Variants in SPECC1 observed in about 807,000 individuals in gnomAD.
SPECC1 encodes the protein sperm antigen with calponin homology and coiled-coil domains 1, also known as cytospin-B.
A neutral mutation model predicts 104.1 loss-of-function variants in SPECC1; 62 were observed. That is an observed-to-expected ratio of 0.60 (90% confidence interval 0.49 to 0.74). The LOEUF (loss-of-function observed/expected upper bound fraction) is 0.74, where lower values mean the gene tolerates loss of function less well. Ranked by LOEUF, SPECC1 falls within the 30% of genes least tolerant of loss-of-function variation. SPECC1 has a pLI of 0.00. For missense variants in SPECC1, 1,306 were observed against 1,310.5 expected (o/e 1.00, Z 0.05); for synonymous variants, 513 against 501.6 (o/e 1.02, Z -0.30).
In SPECC1 at chr17:20,227,597, A is replaced by G. The variant is rs1598032123; in HGVS notation, c.2048A>G (p.Asn683Ser). Reference protein sequence around the residue: ...EQHRAVKLHNNQLISELESSV... With the variant: ...EQHRAVKLHNSQLISELESSV... ...CACCGGGCTGTCAAGTTACACAATA[A>G]TCAACTCATCAGTGAGCTAGAAAGT... Residue 683 changes from asparagine to serine, a missense_variant, in exon 5 of 15, where the codon AAT becomes AGT. Asn to Ser is a conservative substitution (Grantham distance 46). This residue lies in a region of SPECC1 where 1,177 missense variants were observed against 1,139.9 expected (regional missense o/e 1.03). Transcript: ENST00000395527. 1.2e-6 allele frequency: 2 copies of G among 1,611,946 alleles called. No individual in the cohort carries two copies. Among genetic ancestry groups the G allele is most frequent in the Non-Finnish European group, 8.5e-7 (1 of 1,179,556 alleles).
intron 3 of SPECC1, among the ~76,000 whole-genome samples, chr17:20,129,508 T>C (rs191860154): frequency 1.2e-3 from 187 of 151,784 alleles, no homozygotes; most frequent in African/African-American, 4.4e-3. Flanking sequence ...TTTTTTTAGC[T>C]GTTGAATTTT....
intron 1 of SPECC1, among the ~76,000 whole-genome samples, chr17:20,018,760 C>A (rs1455948320): frequency 6.6e-6 from 1 of 152,224 alleles, no homozygotes; most frequent in East Asian, 1.9e-4. Context: ...CATCCTCTCC[C>A]AGTGCAGTCA....
intron 4 of SPECC1, among the ~76,000 whole-genome samples, chr17:20,210,760 C>T (rs758919963): frequency 6.6e-6 from 1 of 152,204 alleles, no homozygotes; most frequent in African/African-American, 2.4e-5. Context: ...CTGCCTGGGG[C>T]ACCACATGGC....
At chr17:20,020,928 CT>C (rs1411572933) in intron 1 of SPECC1, among the ~76,000 whole-genome samples, 1 of 152,156 alleles carries the variant, frequency 6.6e-6, no homozygotes, top group Non-Finnish European at 1.5e-5. Context: ...TAACTTTTGA[CT>C]CCCAAAACTT....
intron 3 of SPECC1, among the ~76,000 whole-genome samples, chr17:20,201,365 C>A (rs533061995): frequency 6.6e-6 from 1 of 151,722 alleles, no homozygotes; most frequent in East Asian, 1.9e-4. Flanking sequence ...GCCTGTAGTT[C>A]CAGCTATTCG....
chr17:20,057,362 A>G (rs1373946518), intron 1 of SPECC1, among the ~76,000 whole-genome samples: 1 of 152,006 alleles, frequency 6.6e-6, no homozygotes, highest in African/African-American at 2.4e-5. Flanking sequence ...AATGGCGTGA[A>G]CCCGGGAGGC....
intron 10 of SPECC1, among the ~76,000 whole-genome samples, chr17:20,256,456 C>T (rs2039833954): frequency 6.6e-6 from 1 of 152,104 alleles, no homozygotes; most frequent in Admixed American, 6.6e-5. Flanking sequence ...GATGTAAATA[C>T]TGTTTTTCTC....
chr17:20,138,537 A>G (rs1259361124), intron 3 of SPECC1, among the ~76,000 whole-genome samples: 1 of 151,978 alleles, frequency 6.6e-6, no homozygotes, highest in Non-Finnish European at 1.5e-5. Flanking sequence ...TCCCTCCCTC[A>G]TCCCTAGTCC....
Position 20,257,516 on chromosome 17 carries a change from G to A in SPECC1, c.2746G>A (p.Glu916Lys). The A allele has an allele frequency of 6.2e-7, 1 of 1,613,160 alleles. No homozygotes were observed. The part of the protein sequence containing the change: ...DPHLRKSPSL[E>K]SLSRPPSLGF... ...CCACCTCCGCAAGAGTCCCTCACTAGAGTCACTGAGCAGACCCCCGTCTCT... is the reference window on the plus strand; with the variant it reads ...CCACCTCCGCAAGAGTCCCTCACTAAAGTCACTGAGCAGACCCCCGTCTCT... Residue 916 changes from glutamate to lysine, a missense_variant, in exon 11 of 15, where the codon GAG (glutamate) becomes AAG (lysine). Glu to Lys is a moderately conservative substitution (Grantham distance 56, BLOSUM62 1). This residue lies in a region of SPECC1 where 1,177 missense variants were observed against 1,139.9 expected (regional missense o/e 1.03). Transcript: ENST00000395527.
chr17:20,225,648 A>T (rs1216243688), intron 4 of SPECC1, among the ~76,000 whole-genome samples: 1 of 152,044 alleles, frequency 6.6e-6, no homozygotes, highest in Non-Finnish European at 1.5e-5. Flanking sequence ...GGGAGAGGGG[A>T]TGTTGGAGAG....
At chr17:20,150,122 G>A (rs1325349267) in intron 3 of SPECC1, among the ~76,000 whole-genome samples, 11 of 150,394 alleles carry the variant, frequency 7.3e-5, no homozygotes, top group East Asian at 2.0e-4. Context: ...ACAGGCGCCC[G>A]CCACCACGCC....
intron 2 of SPECC1, among the ~76,000 whole-genome samples, chr17:20,107,172 A>G (rs62067557): frequency 1.3e-5 from 2 of 149,938 alleles, no homozygotes; most frequent in Non-Finnish European, 3.0e-5. Context: ...AAAAAAAAGA[A>G]AAGAAAAACA....
At position 20,092,522 on chromosome 17, in the gene SPECC1, C is replaced by T. The variant is rs921711220; in HGVS notation, c.-21-4109C>T. ...TTCCCTCGCTTCTTTCTCTCTTTCA[C>T]ATTTCCAAGTGAAAATAGTCTTCTC... On this transcript the variant is annotated intron_variant, in intron 1 of 14. Transcript: ENST00000395527. Among the ~76,000 whole-genome samples the T allele has an allele frequency of 2.0e-5, 3 of 152,194 alleles. No individual in the cohort carries two copies. The South Asian group carries it at 6.2e-4, about 32-fold the overall frequency.
At chr17:20,237,269 C>T (rs77710816) in intron 7 of SPECC1, 17 of 1,110,286 alleles carry the variant, frequency 1.5e-5, no homozygotes, top group Non-Finnish European at 1.8e-5. Context: ...AGCGCAGGCC[C>T]GAGTTCTTTT....
At chr17:20,062,665 A>G (rs930456244) in intron 1 of SPECC1, among the ~76,000 whole-genome samples, 1 of 151,936 alleles carries the variant, frequency 6.6e-6, no homozygotes, top group African/African-American at 2.4e-5. Flanking sequence ...TACCAGGTCA[A>G]AATTTCACGT....
intron 12 of SPECC1, among the ~76,000 whole-genome samples, chr17:20,291,578 T>C (rs2041165573): frequency 1.3e-5 from 2 of 152,036 alleles, no homozygotes; most frequent in South Asian, 4.2e-4. Flanking sequence ...ACGGTTTTGC[T>C]CTGTCATGCA....
At chr17:20,198,901 T>C (rs2036215503) in intron 3 of SPECC1, among the ~76,000 whole-genome samples, 1 of 152,126 alleles carries the variant, frequency 6.6e-6, no homozygotes, top group Non-Finnish European at 1.5e-5. Flanking sequence ...GTATTAACAG[T>C]TTAATTTTCT....
At chr17:20,127,576 G>A (rs1274823923) in intron 3 of SPECC1, among the ~76,000 whole-genome samples, 1 of 151,650 alleles carries the variant, frequency 6.6e-6, no homozygotes, top group Non-Finnish European at 1.5e-5. Flanking sequence ...TCAAAGTGAT[G>A]GGATTATAGG....
At chr17:20,311,854 T>C (rs1435259521) in intron 14 of SPECC1, among the ~76,000 whole-genome samples, 1 of 152,234 alleles carries the variant, frequency 6.6e-6, no homozygotes, top group East Asian at 1.9e-4. Context: ...TTACCACCTA[T>C]AAAAACTATC....
Sources: gnomAD v4.1 joint callset for allele counts (sites outside exome capture counted in the v4.1 genomes callset) on GRCh38, gnomAD v4.1.1 for gene constraint, gnomAD v4.1.1 regional missense constraint, MANE v1.5 for transcripts, NCBI Gene and HGNC (gene_info 2026-07-23, HGNC 2026-07-21) for gene names.